Variants in IRF2 observed in about 807,000 individuals in gnomAD.
The protein encoded by IRF2 is interferon regulatory factor 2.
In IRF2, 15 loss-of-function variants were observed where a neutral mutation model predicts 40.6. The observed-to-expected ratio is 0.37, with a 90% CI of 0.25 to 0.57. The LOEUF (loss-of-function observed/expected upper bound fraction) is 0.57, where lower values mean the gene tolerates loss of function less well. Among genes scored for constraint, IRF2 ranks in the 20% least tolerant of loss-of-function variants. IRF2 has a pLI of 0.77. For missense variants in IRF2, 317 were observed against 455.7 expected, an observed-to-expected ratio of 0.70 and a Z score of 2.77; for synonymous variants, 151 against 165.5, an observed-to-expected ratio of 0.91 and a Z score of 0.67.
At chr4:184,396,005 T>C (rs1347903540) in intron 7 of IRF2, among the ~76,000 whole-genome samples, 1 of 152,106 alleles carries the variant, frequency 6.6e-6, no homozygotes, top group Non-Finnish European at 1.5e-5. Flanking sequence ...CAGATAAACA[T>C]AGAAGTCTAT....
chr4:184,390,837 A>C (rs1334604060), intron 7 of IRF2, 88 bp from the exon 8 acceptor site: 1 of 1,379,334 alleles, frequency 7.2e-7, no homozygotes, highest in Non-Finnish European at 1.0e-6. Flanking sequence ...AAGGAGACTG[A>C]GTAACTAAAC....
chr4:184,434,449 T>C (rs1188551041), intron 1 of IRF2, among the ~76,000 whole-genome samples: 1 of 152,228 alleles, frequency 6.6e-6, no homozygotes, highest in Non-Finnish European at 1.5e-5. Flanking sequence ...CATCAGGTTG[T>C]TTTTAGAAGT....
chr4:184,466,176 G>A (rs966346344), intron 1 of IRF2, among the ~76,000 whole-genome samples: 1 of 150,770 alleles, frequency 6.6e-6, no homozygotes, highest in South Asian at 2.1e-4. Flanking sequence ...TCAGCCTCCC[G>A]AGTAGCTGGG....
chr4:184,469,629 C>A (rs1274041063), intron 1 of IRF2, among the ~76,000 whole-genome samples: 1 of 152,136 alleles, frequency 6.6e-6, no homozygotes, highest in African/African-American at 2.4e-5. Context: ...GAGCTATGAT[C>A]GAGCCACCGC....
In IRF2 at chr4:184,401,831, A is replaced by T. The variant is rs78929848; in HGVS notation, c.530-2752T>A. Reference sequence around the variant, plus strand: ...ATGTGACTTAAGTCAAAGCCATTTTAACTTCCAATATTTCAAAACTCATCT... The same window carrying T: ...ATGTGACTTAAGTCAAAGCCATTTTTACTTCCAATATTTCAAAACTCATCT... On this transcript the variant is annotated intron_variant, in intron 6 of 8. Coordinates refer to ENST00000393593, the MANE Select transcript of IRF2 (RefSeq NM_002199.4). Among the ~76,000 whole-genome samples the T allele has an allele frequency of 5.9e-3, 906 of 152,338 alleles. 13 individuals are homozygous for T. The highest frequency in any genetic ancestry group is 0.021 in the African/African-American group (856 of 41,568).
rs777784385 is a variant in IRF2 at position 184,387,832 on chromosome 4, AT to A, written c.*925del. 2 of 151,546 alleles carry A rather than the reference AT, an allele frequency of 1.3e-5. No homozygotes were observed. The highest frequency in any genetic ancestry group is 2.1e-4 in the South Asian group (1 of 4,792). 9.4% of individuals were successfully genotyped at this position (151,546 alleles called of 1,614,324 possible). The stretch of plus-strand genomic sequence containing the variant: ...CACCTTTACAAAATTAAAAAAAAAA[AT>A]GTGCCACAAGGATGTAATAACAACT... On this transcript the variant is annotated 3_prime_UTR_variant, in exon 9 of 9. Transcript: ENST00000393593.
rs764069176 is a variant in IRF2, at chr4:184,418,186, T to C, written c.392A>G (p.Asp131Gly). The C allele has an allele frequency of 2.5e-6, 4 of 1,614,032 alleles. No homozygotes were observed. The highest frequency in any genetic ancestry group is 1.7e-5 in the Admixed American group (1 of 60,034). Residue 131 changes from aspartate (D) to glycine (G), a missense_variant, in exon 5 of 9, where the codon GAC becomes GGC. Physicochemically the swap from Asp to Gly is moderately conservative, Grantham distance 94. Around this residue, in one of 2 missense-constraint regions of IRF2, gnomAD observed 262 missense variants for 334.0 expected, o/e 0.78. Transcript: ENST00000393593. ...GATTACCTTGATGTGCTTAACTTTGTCTTCTTTTTCTGTCTTTGGTTTCTT... is the reference window on the plus strand; with the variant it reads ...GATTACCTTGATGTGCTTAACTTTGCCTTCTTTTTCTGTCTTTGGTTTCTT... ...KGKKPKTEKE[D>G]KVKHIKQEPV...
In IRF2 at chr4:184,448,290, C is replaced by T. The variant is rs766253645; in HGVS notation, c.-6-19220G>A. On this transcript the variant is annotated intron_variant, in intron 1 of 8. Transcript: ENST00000393593. The surrounding 1 kb of genome is among the most constrained non-coding windows in gnomAD (Gnocchi z 4.3). ...TAAATGAAGCTGCTGGCGGTTTATTCGTCCTCCGTGCACCAGGATGGTATT... is the reference window on the plus strand; with the variant it reads ...TAAATGAAGCTGCTGGCGGTTTATTTGTCCTCCGTGCACCAGGATGGTATT... Among the ~76,000 whole-genome samples the T allele has an allele frequency of 6.6e-6, 1 of 152,214 alleles. No individual in the cohort carries two copies. Among genetic ancestry groups the T allele is most frequent in the Non-Finnish European group, 1.5e-5 (1 of 68,040 alleles).
intron 1 of IRF2, among the ~76,000 whole-genome samples, chr4:184,461,400 C>T (rs1459100445): frequency 6.6e-6 from 1 of 152,196 alleles, no homozygotes; most frequent in Admixed American, 6.5e-5. Context: ...CCACAGGGCC[C>T]ATGGAAGAAC....
intron 1 of IRF2, among the ~76,000 whole-genome samples, chr4:184,436,772 G>A (rs1738095033): frequency 6.6e-6 from 1 of 152,182 alleles, no homozygotes; most frequent in Admixed American, 6.5e-5. Context: ...GCACCAACAG[G>A]GGTGTCTTCA....
intron 1 of IRF2, among the ~76,000 whole-genome samples, chr4:184,466,353 T>G (rs1739321523): frequency 6.6e-6 from 1 of 152,016 alleles, no homozygotes; most frequent in Non-Finnish European, 1.5e-5. Flanking sequence ...GCACGGCCAA[T>G]CCCATCTGTT....
chr4:184,398,279 C>T (rs574722625), intron 7 of IRF2, among the ~76,000 whole-genome samples: 2 of 152,308 alleles, frequency 1.3e-5, no homozygotes, highest in East Asian at 3.9e-4. Flanking sequence ...AAACACTCTG[C>T]CAAATTTCTA....
intron 1 of IRF2, among the ~76,000 whole-genome samples, chr4:184,455,949 T>C (rs1388738067): frequency 6.6e-6 from 1 of 152,224 alleles, no homozygotes; most frequent in South Asian, 2.1e-4. Context: ...ACATGATCTC[T>C]GGCCTCAAAG....
At chr4:184,421,985 G>A (rs901312151) in intron 2 of IRF2, among the ~76,000 whole-genome samples, 12 of 152,290 alleles carry the variant, frequency 7.9e-5, no homozygotes, top group South Asian at 4.1e-4. Context: ...GCTTGGTGTC[G>A]TTCTCGTGGT....
chr4:184,462,230 C>T (rs1194556571), intron 1 of IRF2, among the ~76,000 whole-genome samples: 1 of 152,198 alleles, frequency 6.6e-6, no homozygotes, highest in African/African-American at 2.4e-5. Flanking sequence ...ATCAGGAAAG[C>T]TCTGAGCCAC....
intron 2 of IRF2, among the ~76,000 whole-genome samples, chr4:184,425,983 TTTGTTTGTTTGTTTG>T (rs1737657527): frequency 6.1e-5 from 5 of 82,580 alleles, no homozygotes; most frequent in Non-Finnish European, 1.1e-4. Flanking sequence ...CCGGTTTTTG[TTTGTTTGTTTGTTTG>T]TTTGTTTGTT....
chr4:184,445,095 AG>A (rs907582221), intron 1 of IRF2, among the ~76,000 whole-genome samples: 135 of 152,314 alleles, frequency 8.9e-4, no homozygotes, highest in African/African-American at 3.2e-3. Flanking sequence ...TGACAGTCAG[AG>A]TTCCCCGTTC....
intron 1 of IRF2, among the ~76,000 whole-genome samples, chr4:184,461,655 C>T (rs759016402): frequency 3.3e-5 from 5 of 151,964 alleles, no homozygotes; most frequent in Non-Finnish European, 5.9e-5. Context: ...AAATAGTCAA[C>T]GGTTTCAGCT....
chr4:184,447,297 C>A (rs190956162), intron 1 of IRF2, among the ~76,000 whole-genome samples: 6 of 152,108 alleles, frequency 3.9e-5, no homozygotes, highest in African/African-American at 1.4e-4. Flanking sequence ...TCTGAGCACC[C>A]AAATACATGA....
Sources: allele counts gnomAD v4.1 joint callset (sites outside exome capture counted in the v4.1 genomes callset), GRCh38; gene constraint gnomAD v4.1.1; regional missense constraint gnomAD v4.1.1; non-coding constraint Gnocchi (gnomAD v3.1); transcripts MANE v1.5; gene names NCBI Gene and HGNC (gene_info 2026-07-23, HGNC 2026-07-21).